The following CHLSN variants were observed in gnomAD, a reference collection of about 807,000 sequenced individuals.
CHLSN encodes protein cholesin.
chr7:1,070,631 A>G, the CHLSN span, among the ~76,000 whole-genome samples: 2 of 142,904 alleles, frequency 1.4e-5, no homozygotes, highest in Admixed American at 1.4e-4. Flanking sequence ...CGCACACAAC[A>G]CGCACACGGA....
At chr7:1,029,454 C>G in the CHLSN span, among the ~76,000 whole-genome samples, 1 of 152,194 alleles carries the variant, frequency 6.6e-6, no homozygotes, top group South Asian at 2.1e-4. Flanking sequence ...GAGATGGGGT[C>G]TCACTATGTT....
the CHLSN span, among the ~76,000 whole-genome samples, chr7:1,057,242 C>G: frequency 6.6e-6 from 1 of 152,196 alleles, no homozygotes; most frequent in African/African-American, 2.4e-5. Context: ...GTGGGGCACA[C>G]CAGGCTCCCT....
the CHLSN span, among the ~76,000 whole-genome samples, chr7:1,008,801 T>C: frequency 3.7e-5 from 5 of 136,564 alleles, no homozygotes; most frequent in African/African-American, 1.2e-4. Flanking sequence ...TACACACGTG[T>C]ATACATGTAC....
At chr7:1,130,728 G>A in the CHLSN span, among the ~76,000 whole-genome samples, 50 of 152,312 alleles carry the variant, frequency 3.3e-4, no homozygotes, top group African/African-American at 1.2e-3. Context: ...GGGGGCGGGG[G>A]GGTGCCACAG....
the CHLSN span, among the ~76,000 whole-genome samples, chr7:1,044,373 G>C: frequency 2.6e-4 from 39 of 152,368 alleles, no homozygotes; most frequent in Admixed American, 5.9e-4. Context: ...GCTGGTCTCA[G>C]GTTACACAAC....
chr7:1,098,838 C>G, the CHLSN span, among the ~76,000 whole-genome samples: 1 of 151,258 alleles, frequency 6.6e-6, no homozygotes, highest in Non-Finnish European at 1.5e-5. Context: ...GAGCGGGGGA[C>G]GGGGAGCCAC....
the CHLSN span, chr7:985,335 C>A: frequency 6.5e-7 from 1 of 1,547,918 alleles, no homozygotes; most frequent in Non-Finnish European, 8.7e-7. Context: ...TGAGGAGCTG[C>A]CTCCCATCCT....
At chr7:1,024,333 C>A in the CHLSN span, among the ~76,000 whole-genome samples, 8 of 152,148 alleles carry the variant, frequency 5.3e-5, no homozygotes, top group African/African-American at 1.9e-4. Context: ...CCCCACAGAG[C>A]CCTGCCCGTG....
the CHLSN span, among the ~76,000 whole-genome samples, chr7:984,093 G>T: frequency 1.3e-5 from 2 of 152,246 alleles, no homozygotes; most frequent in Admixed American, 6.5e-5. Flanking sequence ...CTTTCAGAAT[G>T]TGCCACCCCA....
At chr7:1,087,145 G>A in the CHLSN span, 1 of 152,262 alleles carries the variant, frequency 6.6e-6, no homozygotes, top group Non-Finnish European at 1.5e-5. Context: ...AGTCCGGGGA[G>A]GGAGGTTTAT....
At chr7:1,047,280 C>G in the CHLSN span, among the ~76,000 whole-genome samples, 34 of 152,194 alleles carry the variant, frequency 2.2e-4, no homozygotes, top group African/African-American at 7.7e-4. Flanking sequence ...CAAACATGCT[C>G]GCTATTATCC....
chr7:1,093,829 C>T, the CHLSN span: 1 of 366,330 alleles, frequency 2.7e-6, no homozygotes, highest in Non-Finnish European at 5.7e-6. Context: ...GAGGCTCTGT[C>T]TTGGGGGTCT....
At chr7:1,093,159 C>T in the CHLSN span, 325 of 586,812 alleles carry the variant, frequency 5.5e-4, 1 homozygote, top group Non-Finnish European at 9.7e-4. Flanking sequence ...CTGCCTGCCG[C>T]TGCACCTGCC....
the CHLSN span, among the ~76,000 whole-genome samples, chr7:1,107,064 AGACTC>A: frequency 6.6e-6 from 1 of 152,228 alleles, no homozygotes; most frequent in African/African-American, 2.4e-5. Flanking sequence ...GAAGGAACGC[AGACTC>A]GACTCCGGGA....
At chr7:1,032,168 C>A in the CHLSN span, among the ~76,000 whole-genome samples, 2 of 152,188 alleles carry the variant, frequency 1.3e-5, no homozygotes, top group African/African-American at 4.8e-5. Context: ...GGTAGATGGG[C>A]CCCAGATCCA....
chr7:1,032,619 C>G, the CHLSN span, among the ~76,000 whole-genome samples: 1 of 149,848 alleles, frequency 6.7e-6, no homozygotes, highest in East Asian at 2.0e-4. Context: ...GCCGCAGCCA[C>G]CCGCCCACAC....
the CHLSN span, among the ~76,000 whole-genome samples, chr7:1,121,698 A>G: frequency 6.6e-6 from 1 of 152,240 alleles, no homozygotes; most frequent in Non-Finnish European, 1.5e-5. Flanking sequence ...ACGGGTTTAC[A>G]GCCAAGACCA....
the CHLSN span, chr7:985,129 C>G: frequency 6.2e-7 from 1 of 1,604,112 alleles, no homozygotes; most frequent in Non-Finnish European, 8.5e-7. Flanking sequence ...CGCCCCTCCC[C>G]GGGCCTGGAC....
At chr7:1,053,313 G>A in the CHLSN span, among the ~76,000 whole-genome samples, 1 of 152,260 alleles carries the variant, frequency 6.6e-6, no homozygotes, top group African/African-American at 2.4e-5. Context: ...GCGACGGCGG[G>A]GGAGGGGCGT....
Sources: gnomAD v4.1 joint callset for allele counts (sites outside exome capture counted in the v4.1 genomes callset) on GRCh38, gnomAD v4.1.1 for gene constraint, MANE v1.5 for transcripts, NCBI Gene and HGNC (gene_info 2026-07-23, HGNC 2026-07-21) for gene names.